Variants in TTC13 observed in about 807,000 individuals in gnomAD.
The protein encoded by TTC13 is tetratricopeptide repeat domain 13.
Under a neutral mutation model 120.0 loss-of-function variants are expected in TTC13, and 62 were observed. That is an observed-to-expected ratio of 0.52 (90% CI 0.42 to 0.64). The LOEUF is 0.64. Ranked by LOEUF, TTC13 falls within the 30% of genes least tolerant of loss-of-function variation. TTC13 has a pLI of 0.00. For missense variants in TTC13, 824 were observed against 1,050.2 expected, an observed-to-expected ratio of 0.78 and a Z score of 2.98; for synonymous variants, 384 against 393.5, an observed-to-expected ratio of 0.98 and a Z score of 0.28.
rs887780056 is a variant in TTC13 at position 230,934,471 on chromosome 1, G to A, written c.901-610C>T. Among the ~76,000 whole-genome samples, 3 of 152,216 alleles carry A rather than the reference G, an allele frequency of 2.0e-5. No individual in the cohort carries two copies. The South Asian group carries it at 6.2e-4, about 32-fold the overall frequency. On this transcript the variant is annotated intron_variant, in intron 8 of 22. Transcript: ENST00000366661. ...CCATCGGCCTAACACCAAGTCTGTG[G>A]CTAAGAAAGTGAGAACTGCTAAGCA...
intron 20 of TTC13, among the ~76,000 whole-genome samples, chr1:230,910,932 C>A (rs1336936477): frequency 6.6e-6 from 1 of 151,480 alleles, no homozygotes; most frequent in Non-Finnish European, 1.5e-5. Flanking sequence ...TAATTTACTG[C>A]ACACAGTGCT....
chr1:230,923,243 A>C (rs981250778), intron 15 of TTC13, among the ~76,000 whole-genome samples: 29 of 152,184 alleles, frequency 1.9e-4, no homozygotes, highest in African/African-American at 6.8e-4. Flanking sequence ...ATTTATTTAG[A>C]AGGCAGCTAG....
In TTC13 at chr1:230,931,889, A is replaced by G; in HGVS notation, c.984-12T>C. 6.2e-7 allele frequency: 1 copy of G among 1,613,064 alleles called. No homozygotes were observed. Among genetic ancestry groups the G allele is most frequent in the South Asian group, 1.1e-5 (1 of 91,044 alleles). ...AATTGCCCAGTTCTCTAGGTATTTAATAATAGTTATGAATACAGTATAGAT... is the reference window on the plus strand; with the variant it reads ...AATTGCCCAGTTCTCTAGGTATTTAGTAATAGTTATGAATACAGTATAGAT... On this transcript the variant is annotated splice_polypyrimidine_tract_variant and intron_variant, in intron 9 of 22. Transcript: ENST00000366661.
chr1:230,956,902 G>A (rs528183705), intron 3 of TTC13, among the ~76,000 whole-genome samples: 3 of 152,162 alleles, frequency 2.0e-5, no homozygotes, highest in South Asian at 4.1e-4. Flanking sequence ...CCACATCTCC[G>A]AGCAATGTAT....
chr1:230,961,139 T>A (rs1478139513), intron 2 of TTC13, 70 bp downstream of exon 2: 1 of 1,262,922 alleles, frequency 7.9e-7, no homozygotes, highest in Non-Finnish European at 1.1e-6. Context: ...CAGAGGCGAC[T>A]TCCACTTTTT....
intron 4 of TTC13, among the ~76,000 whole-genome samples, chr1:230,946,490 T>A (rs1675010401): frequency 1.3e-5 from 2 of 152,232 alleles, no homozygotes; most frequent in Non-Finnish European, 2.9e-5. Flanking sequence ...TAGAATGAGA[T>A]GCATCTATAT....
intron 1 of TTC13, among the ~76,000 whole-genome samples, chr1:230,975,593 A>T (rs920057904): frequency 2.0e-5 from 3 of 152,218 alleles, no homozygotes; most frequent in Non-Finnish European, 4.4e-5. Context: ...TCATTTTTTT[A>T]AAATAATATT....
At chr1:230,969,844 T>A (rs1027708573) in intron 1 of TTC13, among the ~76,000 whole-genome samples, 23 of 152,258 alleles carry the variant, frequency 1.5e-4, no homozygotes, top group Admixed American at 1.1e-3. Context: ...AAAAGGATTG[T>A]TAAATGTTAG....
chr1:230,935,036 T>C lies in TTC13; in HGVS notation c.901-1175A>G, dbSNP rs572510977. ...TGTGCAAACTCTTCAAAGGCAACGA[T>C]GGGATGACAATCTACTAATTAAGGA... On this transcript the variant is annotated intron_variant, in intron 8 of 22. Coordinates refer to ENST00000366661, the MANE Select transcript of TTC13 (RefSeq NM_024525.5). Among the ~76,000 whole-genome samples the C allele has an allele frequency of 2.0e-4, 31 of 152,352 alleles. No homozygotes were observed. The East Asian group carries it at 5.6e-3, about 27-fold the overall frequency.
rs770354529 is a variant in TTC13, at chr1:230,933,756, C to T, written c.983+23G>A. 2.8e-6 allele frequency: 4 copies of T among 1,426,198 alleles called. No homozygotes were observed. In the South Asian group the frequency reaches 5.0e-5, roughly 18 times the overall value. 88.3% of individuals were successfully genotyped at this position (1,426,198 alleles called of 1,614,324 possible). On this transcript the variant is annotated intron_variant, in intron 9 of 22. Transcript: ENST00000366661. Reference sequence around the variant, plus strand: ...CCCACTCTTCAGCCTCCCTCCTACCCCAACTGTTATTATTTTACTCACCTA... The same window carrying T: ...CCCACTCTTCAGCCTCCCTCCTACCTCAACTGTTATTATTTTACTCACCTA...
In TTC13 at chr1:230,942,285, G is replaced by C. The variant is rs1263453216; in HGVS notation, c.672+1521C>G. 6.6e-6 allele frequency among the ~76,000 whole-genome samples: 1 copy of C among 152,128 alleles called. No individual in the cohort carries two copies. The highest frequency in any genetic ancestry group is 1.5e-5 in the Non-Finnish European group (1 of 68,022). On this transcript the variant is annotated intron_variant, in intron 6 of 22. Transcript: ENST00000366661. This position sits in a 1 kb window ranked among gnomAD's most constrained non-coding sequence, Gnocchi z 4.0. ...CCAGAAGCAGATGATTACCAAATCT[G>C]TCACCAAATTAGCCACTAAACACCA...
In TTC13 at chr1:230,934,021, T is replaced by C. The variant is rs368855299; in HGVS notation, c.901-160A>G. On this transcript the variant is annotated intron_variant, in intron 8 of 22. Transcript: ENST00000366661. Reference sequence around the variant, plus strand: ...GGCAGAAAATGCAATAAACTATAAGTCAGAAGGATTTAATTTCAGTAAACA... The same window carrying C: ...GGCAGAAAATGCAATAAACTATAAGCCAGAAGGATTTAATTTCAGTAAACA... Among the ~76,000 whole-genome samples the C allele has an allele frequency of 3.9e-5, 6 of 152,138 alleles. No individual in the cohort carries two copies. The South Asian group carries it at 1.2e-3, about 32-fold the overall frequency.
chr1:230,960,130 G>A (rs1191391226), intron 2 of TTC13, among the ~76,000 whole-genome samples: 1 of 152,170 alleles, frequency 6.6e-6, no homozygotes, highest in Non-Finnish European at 1.5e-5. Context: ...GCAATGCCTG[G>A]CATGTAATAG....
At chr1:230,945,301 G>C in intron 5 of TTC13, 88 bp downstream of exon 5, 4 of 1,152,448 alleles carry the variant, frequency 3.5e-6, no homozygotes, top group Non-Finnish European at 5.3e-6. Context: ...TCCCATCAAG[G>C]GTCAATGAAC....
At chr1:230,943,674 A>G in intron 6 of TTC13, 132 bp downstream of exon 6, 1 of 628,104 alleles carries the variant, frequency 1.6e-6, no homozygotes, top group Non-Finnish European at 2.7e-6. Context: ...GCTTAAAGGC[A>G]TTAAGTACCG....
chr1:230,970,548 CA>C (rs1179167566), intron 1 of TTC13, among the ~76,000 whole-genome samples: 1 of 152,200 alleles, frequency 6.6e-6, no homozygotes, highest in Non-Finnish European at 1.5e-5. Context: ...GGACAGAAGG[CA>C]AAATCTACCA....
At chr1:230,966,143 T>C (rs973329350) in intron 1 of TTC13, among the ~76,000 whole-genome samples, 1 of 152,244 alleles carries the variant, frequency 6.6e-6, no homozygotes, top group East Asian at 1.9e-4. Flanking sequence ...AATAAATGTT[T>C]TTTGGTTTTT....
intron 4 of TTC13, among the ~76,000 whole-genome samples, chr1:230,947,498 T>C (rs865993183): frequency 3.9e-5 from 6 of 151,924 alleles, no homozygotes; most frequent in African/African-American, 1.2e-4. Flanking sequence ...CTGGGCCACA[T>C]TGGGAAAAGA....
At chr1:230,960,487 G>C (rs527921045) in intron 2 of TTC13, among the ~76,000 whole-genome samples, 2 of 151,652 alleles carry the variant, frequency 1.3e-5, no homozygotes, top group East Asian at 3.9e-4. Flanking sequence ...ACTATGCAGC[G>C]AGTTAGGTAA....
Sources: gnomAD v4.1 joint callset for allele counts (sites outside exome capture counted in the v4.1 genomes callset) on GRCh38, gnomAD v4.1.1 for gene constraint, Gnocchi (gnomAD v3.1) non-coding constraint, MANE v1.5 for transcripts, NCBI Gene and HGNC (gene_info 2026-07-23, HGNC 2026-07-21) for gene names.